The following ANK2 variants were observed in gnomAD, a reference collection of about 807,000 sequenced individuals.
The protein encoded by ANK2 is ankyrin-2.
ANK2 carries 83 observed loss-of-function variants against 360.5 expected under a neutral mutation model. The observed-to-expected ratio is 0.23, with a 90% CI of 0.19 to 0.28. The LOEUF (loss-of-function observed/expected upper bound fraction) is 0.28, where lower values mean the gene tolerates loss of function less well. Among genes scored for constraint, ANK2 ranks in the 10% least tolerant of loss-of-function variants. ANK2 has a pLI of 1.00. For synonymous variants in ANK2, 1,740 were observed against 1,759.5 expected (o/e 0.99, Z 0.28); for missense variants, 4,201 against 4,795.7 (o/e 0.88, Z 3.66).
At chr4:113,237,843 G>T (rs1252522686) in intron 7 of ANK2, among the ~76,000 whole-genome samples, 1 of 152,128 alleles carries the variant, frequency 6.6e-6, no homozygotes, top group Non-Finnish European at 1.5e-5. Context: ...ATTTAAATAA[G>T]TTATTAGAGA....
At chr4:112,835,245 A>G (rs553011117) in intron 1 of ANK2, among the ~76,000 whole-genome samples, 45 of 152,322 alleles carry the variant, frequency 3.0e-4, no homozygotes, top group African/African-American at 1.0e-3. Flanking sequence ...TATTACTTGG[A>G]ATTGTTCTAC....
intron 1 of ANK2, among the ~76,000 whole-genome samples, chr4:113,142,588 C>T (rs571384443): frequency 1.3e-5 from 2 of 152,136 alleles, no homozygotes; most frequent in South Asian, 2.1e-4. Context: ...TGTTTGGACA[C>T]TAAGCTTTAG....
At chr4:113,198,820 A>G (rs577227627) in intron 3 of ANK2, among the ~76,000 whole-genome samples, 191 bp from the exon 4 acceptor site, 1 of 152,282 alleles carries the variant, frequency 6.6e-6, no homozygotes, top group South Asian at 2.1e-4. Context: ...GAAAAGGAAG[A>G]CACTATATGA....
the ANK2 span, among the ~76,000 whole-genome samples, chr4:112,745,162 T>A: frequency 6.6e-6 from 1 of 152,238 alleles, no homozygotes; most frequent in African/African-American, 2.4e-5. Context: ...CCTTGACTAA[T>A]TCTAAAAGAA....
intron 4 of ANK2, among the ~76,000 whole-genome samples, chr4:113,210,446 G>A (rs1192047212): frequency 6.6e-6 from 1 of 152,188 alleles, no homozygotes; most frequent in Admixed American, 6.5e-5. Flanking sequence ...AGGCTTGGAA[G>A]AATTAAAATG....
intron 1 of ANK2, chr4:113,160,471 TA>T: frequency 4.1e-6 from 1 of 241,712 alleles, no homozygotes; most frequent in South Asian, 3.8e-5. Context: ...AACCAAGTGT[TA>T]AAATTTAGTA....
intron 1 of ANK2, among the ~76,000 whole-genome samples, chr4:112,840,057 T>G (rs2061779727): frequency 6.6e-6 from 1 of 152,246 alleles, no homozygotes; most frequent in African/African-American, 2.4e-5. Context: ...TCTTGTGCTA[T>G]GTGCTGGAGG....
the ANK2 span, among the ~76,000 whole-genome samples, chr4:112,715,354 G>T: frequency 6.6e-6 from 1 of 152,208 alleles, no homozygotes; most frequent in East Asian, 1.9e-4. Flanking sequence ...GGTAGGGGAC[G>T]TACATCCCAC....
intron 27 of ANK2, 129 bp from the exon 28 acceptor site, chr4:113,331,843 G>A (rs938570302): frequency 1.2e-6 from 1 of 859,694 alleles, no homozygotes; most frequent in South Asian, 1.3e-5. Flanking sequence ...AATGGAGGGG[G>A]CAGAACCAAA....
intron 11 of ANK2, among the ~76,000 whole-genome samples, chr4:113,257,463 T>C (rs187830815): frequency 2.0e-5 from 3 of 152,316 alleles, no homozygotes; most frequent in African/African-American, 7.2e-5. Context: ...ATTTATCTCA[T>C]TGGCATATAT....
chr4:113,335,849 T>C lies in ANK2; in HGVS notation c.3383T>C (p.Leu1128Pro), dbSNP rs2093460133. 1 of 1,613,832 alleles carries C rather than the reference T, an allele frequency of 6.2e-7. No individual in the cohort carries two copies. Among genetic ancestry groups the C allele is most frequent in the African/African-American group, 1.3e-5 (1 of 74,936 alleles). The change falls in exon 30 of 46, where the codon CTG (leucine) becomes CCG (proline). Residue 1128 changes from leucine to proline, a missense_variant. This residue lies in a region of ANK2 where 1,268 missense variants were observed against 1,650.8 expected (regional missense o/e 0.77). Coordinates refer to ENST00000357077, the MANE Select transcript of ANK2 (RefSeq NM_001148.6). ...GGTGGGTCATTTCTTGTCTTAGTAC[T>C]GGATAGCCCAGAAGACCTAGAAAAG... Reference protein sequence around the residue: ...NEILNGMDEVLDSPEDLEKKR... With the variant: ...NEILNGMDEVPDSPEDLEKKR...
intron 1 of ANK2, among the ~76,000 whole-genome samples, chr4:113,091,868 G>A (rs370937198): frequency 1.3e-4 from 20 of 152,286 alleles, no homozygotes; most frequent in African/African-American, 3.1e-4. Flanking sequence ...TCAGACATAC[G>A]TGACAGCCAC....
At chr4:112,861,081 GC>G (rs2067853004) in intron 1 of ANK2, among the ~76,000 whole-genome samples, 2 of 152,212 alleles carry the variant, frequency 1.3e-5, no homozygotes, top group Admixed American at 1.3e-4. Flanking sequence ...ACACTCTGAT[GC>G]GGGGATATGC....
rs1034025200 is a variant in ANK2 at position 113,241,050 on chromosome 4, A to C, written c.792+467A>C. On this transcript the variant is annotated intron_variant, in intron 8 of 45. Transcript: ENST00000357077. The stretch of plus-strand genomic sequence containing the variant: ...TACATAAAAGGTGTCACATTGTTAC[A>C]TGTTTCATGGTATGCTGTTATTAGA... Among the ~76,000 whole-genome samples, 5 of 152,338 alleles carry C rather than the reference A, an allele frequency of 3.3e-5. No homozygotes were observed. The South Asian group carries it at 1.0e-3, about 32-fold the overall frequency.
intron 9 of ANK2, among the ~76,000 whole-genome samples, chr4:113,244,859 T>C (rs1325459210): frequency 6.6e-6 from 1 of 152,138 alleles, no homozygotes; most frequent in African/African-American, 2.4e-5. Context: ...ATCGAGACCA[T>C]GTGGGGTTTG....
chr4:113,114,520 T>C (rs1313389964), intron 1 of ANK2, among the ~76,000 whole-genome samples: 2 of 151,880 alleles, frequency 1.3e-5, no homozygotes, highest in Non-Finnish European at 2.9e-5. Flanking sequence ...TTATAGAAAG[T>C]AAAAGAGTCT....
chr4:113,223,072 C>G (rs1244258998), intron 4 of ANK2, among the ~76,000 whole-genome samples: 1 of 152,276 alleles, frequency 6.6e-6, no homozygotes, highest in African/African-American at 2.4e-5. Flanking sequence ...TGCAGCTGTG[C>G]CTTCACAATA....
chr4:113,140,346 T>C (rs2096592446), intron 1 of ANK2, among the ~76,000 whole-genome samples: 1 of 152,170 alleles, frequency 6.6e-6, no homozygotes, highest in Non-Finnish European at 1.5e-5. Flanking sequence ...ATAGCTGCCA[T>C]GATCAAAAAC....
chr4:113,195,071 TAGA>T (rs1315510538), intron 2 of ANK2, among the ~76,000 whole-genome samples: 1 of 152,136 alleles, frequency 6.6e-6, no homozygotes, highest in Non-Finnish European at 1.5e-5. Flanking sequence ...TACATTTCAG[TAGA>T]AGACTGTTAG....
Sources: allele counts gnomAD v4.1 joint callset (sites outside exome capture counted in the v4.1 genomes callset), GRCh38; gene constraint gnomAD v4.1.1; regional missense constraint gnomAD v4.1.1; transcripts MANE v1.5; gene names NCBI Gene and HGNC (gene_info 2026-07-23, HGNC 2026-07-21).